Variants in SH3PXD2A observed in about 807,000 individuals in gnomAD.
The protein encoded by SH3PXD2A is SH3 and PX domains 2A.
A neutral mutation model predicts 115.2 loss-of-function variants in SH3PXD2A; 32 were observed. The observed-to-expected ratio is 0.28, with a 90% CI of 0.21 to 0.37. The LOEUF is 0.37. Ranked by LOEUF, SH3PXD2A falls within the 10% of genes least tolerant of loss-of-function variation. The pLI is 1.00. For synonymous variants in SH3PXD2A, 610 were observed against 629.1 expected (o/e 0.97, Z 0.45); for missense variants, 1,328 against 1,498.7 (o/e 0.89, Z 1.88).
At chr10:103,835,444 C>T (rs1838582725) in intron 1 of SH3PXD2A, among the ~76,000 whole-genome samples, 1 of 152,212 alleles carries the variant, frequency 6.6e-6, no homozygotes, top group South Asian at 2.1e-4. Context: ...GAAGTGAAAT[C>T]GCTTAGCAGA....
At chr10:103,800,745 C>T (rs1173071001) in intron 2 of SH3PXD2A, among the ~76,000 whole-genome samples, 1 of 152,200 alleles carries the variant, frequency 6.6e-6, no homozygotes, top group African/African-American at 2.4e-5. Flanking sequence ...TGTGAACATG[C>T]CTTTGTGTCT....
intron 2 of SH3PXD2A, among the ~76,000 whole-genome samples, chr10:103,796,697 C>T (rs753961098): frequency 2.0e-5 from 3 of 152,184 alleles, no homozygotes; most frequent in Non-Finnish European, 4.4e-5. Context: ...CCAGCCTGGA[C>T]TCTCATCTTT....
chr10:103,819,625 T>C (rs563462606), intron 1 of SH3PXD2A, among the ~76,000 whole-genome samples: 1 of 152,092 alleles, frequency 6.6e-6, no homozygotes, highest in East Asian at 1.9e-4. Context: ...CTGAAGTGTT[T>C]CTTCGGTGGA....
In SH3PXD2A at chr10:103,838,337, A is replaced by C. The variant is rs533407281; in HGVS notation, c.72+16858T>G. On this transcript the variant is annotated intron_variant, in intron 1 of 14. Coordinates refer to ENST00000369774, the MANE Select transcript of SH3PXD2A (RefSeq NM_001394015.1). ...CAGGCACCTTAGCAGGGCTTTTGCCATCATCGGCATTTAATCCTCCTAACG... is the reference window on the plus strand; with the variant it reads ...CAGGCACCTTAGCAGGGCTTTTGCCCTCATCGGCATTTAATCCTCCTAACG... Among the ~76,000 whole-genome samples the C allele has an allele frequency of 1.8e-3, 271 of 152,350 alleles. 1 individual carries two copies. The highest frequency in any genetic ancestry group is 3.2e-3 in the Non-Finnish European group (218 of 68,030).
chr10:103,764,064 T>C (rs2134221039), intron 3 of SH3PXD2A, among the ~76,000 whole-genome samples: 1 of 152,308 alleles, frequency 6.6e-6, no homozygotes, highest in East Asian at 1.9e-4. Context: ...TTTAACGAAC[T>C]TGACCTAAGA....
intron 6 of SH3PXD2A, among the ~76,000 whole-genome samples, chr10:103,692,380 CG>C (rs2037763825): frequency 1.7e-5 from 2 of 116,958 alleles, no homozygotes; most frequent in South Asian, 3.3e-4. Context: ...CAGGCCAATG[CG>C]GGGGGCGGGG....
At chr10:103,778,154 C>A (rs1301542438) in intron 2 of SH3PXD2A, among the ~76,000 whole-genome samples, 2 of 152,070 alleles carry the variant, frequency 1.3e-5, no homozygotes, top group African/African-American at 2.4e-5. Flanking sequence ...ATGGTGAAAC[C>A]CCGTCTCTAC....
chr10:103,844,297 G>A (rs939015155), intron 1 of SH3PXD2A, among the ~76,000 whole-genome samples: 2 of 152,202 alleles, frequency 1.3e-5, no homozygotes, highest in African/African-American at 4.8e-5. Context: ...GCAGAATTCA[G>A]GACAGAGTTT....
rs558632411 is a variant in SH3PXD2A at position 103,660,693 on chromosome 10, C to T, written c.604+290G>A. Among the ~76,000 whole-genome samples the T allele has an allele frequency of 7.2e-5, 11 of 152,366 alleles. No individual in the cohort carries two copies. In the South Asian group the frequency reaches 2.3e-3, roughly 32 times the overall value. ...ACCCTGCCCCACGGGCCTCCGAGGGCACGGGGACCCCAGCAGGGCTGGCCA... is the reference window on the plus strand; with the variant it reads ...ACCCTGCCCCACGGGCCTCCGAGGGTACGGGGACCCCAGCAGGGCTGGCCA... On this transcript the variant is annotated intron_variant, in intron 8 of 14. Transcript: ENST00000369774.
chr10:103,604,278 C>T (rs2036267175), intron 14 of SH3PXD2A, among the ~76,000 whole-genome samples: 1 of 152,174 alleles, frequency 6.6e-6, no homozygotes, highest in Admixed American at 6.5e-5. Flanking sequence ...AGGTACAGGC[C>T]CGAGGCCAGA....
In SH3PXD2A at chr10:103,765,185, C is replaced by T. The variant is rs548671418; in HGVS notation, c.229+1909G>A. On this transcript the variant is annotated intron_variant, in intron 3 of 14. Transcript: ENST00000369774. ...AGAGCCAGGGTTTCCAGGGTGAACC[C>T]GGGCAGTTTGACTCCTGAGACAAGG... Among the ~76,000 whole-genome samples, 7 of 152,270 alleles carry T rather than the reference C, an allele frequency of 4.6e-5. No homozygotes were observed. In the East Asian group the frequency reaches 5.8e-4, roughly 13 times the overall value.
intron 5 of SH3PXD2A, among the ~76,000 whole-genome samples, chr10:103,697,183 C>G (rs1439290868): frequency 6.6e-6 from 1 of 152,144 alleles, no homozygotes; most frequent in Non-Finnish European, 1.5e-5. Context: ...GCCTCTTGAG[C>G]CTCTACTTCT....
In SH3PXD2A at chr10:103,594,861, G is replaced by C. The variant is rs1033808176; in HGVS notation, c.*6955C>G. ...ACCACCACAGGTGTCAGAGATACTT[G>C]AGAATGACTGGTACCAACAAGACGA... On this transcript the variant is annotated 3_prime_UTR_variant, in exon 15 of 15. Transcript: ENST00000369774. 3 of 152,186 alleles carry C rather than the reference G, an allele frequency of 2.0e-5. No individual in the cohort carries two copies. Among genetic ancestry groups the C allele is most frequent in the Non-Finnish European group, 4.4e-5 (3 of 68,038 alleles). The allele number at this position is 152,186 out of a possible 1,614,324, so 9.4% of individuals were successfully genotyped here.
intron 4 of SH3PXD2A, among the ~76,000 whole-genome samples, chr10:103,729,562 G>A (rs1328472196): frequency 6.6e-6 from 1 of 152,208 alleles, no homozygotes; most frequent in Admixed American, 6.5e-5. Context: ...CAGGTTCTGG[G>A]GCAAGTGGGA....
chr10:103,762,014 CT>C (rs79615908), intron 3 of SH3PXD2A, among the ~76,000 whole-genome samples: 16,859 of 84,872 alleles, frequency 0.2, 1,081 homozygotes, highest in Non-Finnish European at 0.25. Flanking sequence ...ATCAACACGT[CT>C]TTTTTTTTTT....
Position 103,762,304 on chromosome 10 carries a change from G to A in SH3PXD2A, c.229+4790C>T, listed in dbSNP as rs57686415. ...CAGCCTCCCAAAGTGCTGGCATTGC[G>A]GGTGTGAGCCACTGCGCCCAACATG... On this transcript the variant is annotated intron_variant, in intron 3 of 14. Coordinates refer to ENST00000369774, the MANE Select transcript of SH3PXD2A (RefSeq NM_001394015.1). Among the ~76,000 whole-genome samples, 722 of 152,200 alleles carry A rather than the reference G, an allele frequency of 4.7e-3. 8 individuals are homozygous for A. The highest frequency in any genetic ancestry group is 0.016 in the African/African-American group (670 of 41,522).
chr10:103,643,832 C>A (rs1035265616), intron 8 of SH3PXD2A, among the ~76,000 whole-genome samples: 14 of 152,206 alleles, frequency 9.2e-5, no homozygotes, highest in Non-Finnish European at 1.9e-4. Flanking sequence ...GCAGACCAGG[C>A]CAGGCGCGGT....
intron 1 of SH3PXD2A, among the ~76,000 whole-genome samples, chr10:103,833,758 ACT>A (rs1006480422): frequency 1.3e-4 from 20 of 151,828 alleles, no homozygotes; most frequent in Admixed American, 1.1e-3. Flanking sequence ...ATGCAGCCTG[ACT>A]CTTGTGTGTG....
At chr10:103,644,156 G>T (rs1480744330) in intron 8 of SH3PXD2A, among the ~76,000 whole-genome samples, 1 of 147,808 alleles carries the variant, frequency 6.8e-6, no homozygotes, top group Non-Finnish European at 1.5e-5. Context: ...GCCGAACCTT[G>T]GTTCAAATCC....
Sources: allele counts gnomAD v4.1 joint callset (sites outside exome capture counted in the v4.1 genomes callset), GRCh38; gene constraint gnomAD v4.1.1; transcripts MANE v1.5; gene names NCBI Gene and HGNC (gene_info 2026-07-23, HGNC 2026-07-21).